The following PCDHA13 variants were observed in gnomAD, a reference collection of about 807,000 sequenced individuals.
The protein encoded by PCDHA13 is protocadherin alpha 13.
A neutral mutation model predicts 64.8 loss-of-function variants in PCDHA13; 54 were observed. The ratio of observed to expected loss-of-function variants is 0.83; its 90% CI spans 0.67 to 1.04. The LOEUF is 1.04. Among genes scored for constraint, PCDHA13 ranks in the 50% least tolerant of loss-of-function variants. The pLI is 0.00. For missense variants in PCDHA13, 1,248 were observed against 1,254.3 expected (o/e 0.99, Z 0.08); for synonymous variants, 587 against 564.4 (o/e 1.04, Z -0.57).
At chr5:140,929,554 C>T (rs899446101) in intron 1 of PCDHA13, 4 of 488,414 alleles carry the variant, frequency 8.2e-6, no homozygotes, top group Non-Finnish European at 1.4e-5. Context: ...AAAATTAAAA[C>T]CTATTTAAGA....
chr5:140,966,916 G>A lies in PCDHA13; in HGVS notation c.2395-12033G>A, dbSNP rs1554228883. On this transcript the variant is annotated intron_variant, in intron 1 of 3. Coordinates refer to ENST00000289272, the MANE Select transcript of PCDHA13 (RefSeq NM_018904.3). Reference sequence around the variant, plus strand: ...CCCAGCTGCGATACTCTGTGCCAGAGGAGCAGGCACCCGGCGCGCTCGTGG... The same window carrying A: ...CCCAGCTGCGATACTCTGTGCCAGAAGAGCAGGCACCCGGCGCGCTCGTGG... 13 of 1,602,486 alleles carry A rather than the reference G, an allele frequency of 8.1e-6. No individual in the cohort carries two copies. In the South Asian group the frequency reaches 1.4e-4, roughly 18 times the overall value.
intron 1 of PCDHA13, among the ~76,000 whole-genome samples, chr5:140,977,958 C>T (rs1912706): frequency 0.036 from 5,518 of 152,194 alleles, 299 homozygotes; most frequent in African/African-American, 0.12. Context: ...AGGGCCACCT[C>T]AATCTCCGCC....
intron 1 of PCDHA13, among the ~76,000 whole-genome samples, chr5:140,893,124 CA>C (rs2063834148): frequency 2.0e-5 from 3 of 152,298 alleles, no homozygotes; most frequent in Admixed American, 1.3e-4. Flanking sequence ...ATATACACCA[CA>C]TTTTCTTTAT....
chr5:140,882,392 G>C lies in PCDHA13; in HGVS notation c.124G>C (p.Gly42Arg), dbSNP rs781850899. Residue 42 changes from glycine (G) to arginine (R), a missense_variant, in exon 1 of 4, where the codon GGC becomes CGC. Gly to Arg is a moderately radical substitution (Grantham distance 125). Coordinates refer to ENST00000289272, the MANE Select transcript of PCDHA13 (RefSeq NM_018904.3). ...HYSVPEEAKH[G>R]TFVGRIAQDL... ...CTCCGTCCCCGAGGAAGCAAAACAC[G>C]GCACCTTCGTGGGCCGCATCGCTCA... The C allele has an allele frequency of 2.5e-6, 4 of 1,614,178 alleles. No homozygotes were observed. Among genetic ancestry groups the C allele is most frequent in the South Asian group, 1.1e-5 (1 of 91,066 alleles).
chr5:140,944,182 GTTTGT>G (rs750577669), intron 1 of PCDHA13, among the ~76,000 whole-genome samples: 4 of 152,050 alleles, frequency 2.6e-5, no homozygotes, highest in African/African-American at 2.4e-5. Context: ...TTTTTTGTTG[GTTTGT>G]TTTGTTTTGT....
At chr5:140,922,802 GA>G (rs1475670811) in intron 1 of PCDHA13, among the ~76,000 whole-genome samples, 1 of 152,162 alleles carries the variant, frequency 6.6e-6, no homozygotes, top group African/African-American at 2.4e-5. Flanking sequence ...TTGGAATACA[GA>G]AAAAGGAGAT....
At chr5:140,958,995 T>G (rs868959473) in intron 1 of PCDHA13, among the ~76,000 whole-genome samples, 1 of 152,148 alleles carries the variant, frequency 6.6e-6, no homozygotes, top group African/African-American at 2.4e-5. Flanking sequence ...TGCTAATCTT[T>G]TACTGTACCT....
chr5:140,981,687 A>ATCAT (rs200213847), intron 2 of PCDHA13, among the ~76,000 whole-genome samples: 1,547 of 152,086 alleles, frequency 0.01, 18 homozygotes, highest in African/African-American at 0.031. Flanking sequence ...CCTCCCTTCC[A>ATCAT]TCATTCATTC....
chr5:140,946,765 T>C (rs1255265012), intron 1 of PCDHA13, among the ~76,000 whole-genome samples: 2 of 151,428 alleles, frequency 1.3e-5, no homozygotes, highest in African/African-American at 4.9e-5. Flanking sequence ...ATCTCATTCA[T>C]GTGGAATGTA....
At chr5:140,979,408 GT>G (rs558051720) in intron 2 of PCDHA13, among the ~76,000 whole-genome samples, 17 of 147,706 alleles carry the variant, frequency 1.2e-4, no homozygotes, top group East Asian at 4.0e-4. Flanking sequence ...TGTCTACCTT[GT>G]TTTTTTTTTA....
chr5:140,961,647 G>C (rs1204313600), intron 1 of PCDHA13, among the ~76,000 whole-genome samples: 10 of 152,104 alleles, frequency 6.6e-5, no homozygotes, highest in African/African-American at 2.4e-4. Flanking sequence ...AAGTCTATGT[G>C]GTTAGTTTGA....
intron 3 of PCDHA13, among the ~76,000 whole-genome samples, chr5:140,987,487 C>A (rs868928905): frequency 6.6e-6 from 1 of 152,154 alleles, no homozygotes; most frequent in Non-Finnish European, 1.5e-5. Flanking sequence ...GTCAGTGACC[C>A]TTTCTGAATT....
At chr5:140,985,739 C>CA (rs781951589) in intron 3 of PCDHA13, among the ~76,000 whole-genome samples, 2 of 117,920 alleles carry the variant, frequency 1.7e-5, no homozygotes, top group Non-Finnish European at 3.4e-5. Flanking sequence ...TGATGAATTC[C>CA]TTTTTTTTTT....
chr5:140,887,183 A>G (rs1211270850), intron 1 of PCDHA13, among the ~76,000 whole-genome samples: 2 of 147,766 alleles, frequency 1.4e-5, no homozygotes, highest in African/African-American at 5.0e-5. Flanking sequence ...TGCAAGCTCC[A>G]CCTCCCGGGT....
chr5:140,992,342 T>C (rs2097506091), intron 3 of PCDHA13, among the ~76,000 whole-genome samples: 1 of 152,102 alleles, frequency 6.6e-6, no homozygotes. Flanking sequence ...AAGATGGAAA[T>C]GTGGAGAGAG....
chr5:140,965,440 T>C (rs1028835719), intron 1 of PCDHA13, among the ~76,000 whole-genome samples: 42 of 151,984 alleles, frequency 2.8e-4, no homozygotes, highest in Admixed American at 1.3e-4. Context: ...GTCATTGAAA[T>C]TGCTGGTTAT....
chr5:141,009,686 A>G lies in PCDHA13; in HGVS notation c.2602A>G (p.Thr868Ala). Residue 868 changes from threonine to alanine, a missense_variant, in exon 4 of 4, where the codon ACC becomes GCC. Thr to Ala is a moderately conservative substitution (Grantham distance 58). Coordinates refer to ENST00000289272, the MANE Select transcript of PCDHA13 (RefSeq NM_018904.3). ...VGAGVNSNSW[T>A]FKYGPGNPKQ... ...TGCGGGTGTCAACAGCAACAGCTGG[A>G]CCTTTAAATACGGACCAGGCAACCC... is the stretch of plus-strand genomic sequence containing the variant. The G allele has an allele frequency of 6.2e-7, 1 of 1,613,998 alleles. No homozygotes were observed. The highest frequency in any genetic ancestry group is 8.5e-7 in the Non-Finnish European group (1 of 1,179,996).
intron 1 of PCDHA13, among the ~76,000 whole-genome samples, chr5:140,891,837 G>T (rs563744812): frequency 2.9e-4 from 44 of 152,264 alleles, no homozygotes; most frequent in Admixed American, 1.9e-3. Flanking sequence ...AAAAGGACTT[G>T]ATGGAAGGAG....
intron 1 of PCDHA13, among the ~76,000 whole-genome samples, chr5:140,972,775 T>C (rs1277210789): frequency 6.6e-6 from 1 of 151,656 alleles, no homozygotes; most frequent in Non-Finnish European, 1.5e-5. Context: ...GTGATTCTTC[T>C]GCCTCAGCCT....
Sources: gnomAD v4.1 joint callset for allele counts (sites outside exome capture counted in the v4.1 genomes callset) on GRCh38, gnomAD v4.1.1 for gene constraint, MANE v1.5 for transcripts, NCBI Gene and HGNC (gene_info 2026-07-23, HGNC 2026-07-21) for gene names.